TMEM184C: variants seen among roughly 807,000 people sequenced by gnomAD.
The protein encoded by TMEM184C is transmembrane protein 184C.
TMEM184C carries 25 observed loss-of-function variants against 54.5 expected under a neutral mutation model. The ratio of observed to expected loss-of-function variants is 0.46; its 90% CI spans 0.33 to 0.64. The LOEUF (loss-of-function observed/expected upper bound fraction) is 0.64, where lower values mean the gene tolerates loss of function less well. Among genes scored for constraint, TMEM184C ranks in the 30% least tolerant of loss-of-function variants. TMEM184C has a pLI of 0.02. For missense variants in TMEM184C, 335 were observed against 520.3 expected (o/e 0.64, Z 3.46); for synonymous variants, 148 against 181.5 (o/e 0.82, Z 1.49).
chr4:147,628,852 A>G (rs530301068), intron 5 of TMEM184C, among the ~76,000 whole-genome samples: 1 of 152,314 alleles, frequency 6.6e-6, no homozygotes, highest in Admixed American at 6.5e-5. Flanking sequence ...AATATATTCT[A>G]TCAAGGCTTA....
chr4:147,624,775 C>T, intron 3 of TMEM184C, 29 bp from the exon 4 acceptor site: 1 of 1,603,380 alleles, frequency 6.2e-7, no homozygotes, highest in African/African-American at 1.3e-5. Flanking sequence ...TTAGCTGCAA[C>T]TATCTTTAAC....
At chr4:147,628,870 G>A (rs1345834761) in intron 5 of TMEM184C, among the ~76,000 whole-genome samples, 2 of 152,036 alleles carry the variant, frequency 1.3e-5, no homozygotes, top group Admixed American at 6.6e-5. Flanking sequence ...TTAGAATTGA[G>A]GTAAAATGGG....
In TMEM184C at chr4:147,629,666, G is replaced by C. The variant is rs757747384; in HGVS notation, c.640G>C (p.Val214Leu). Residue 214 changes from valine (V) to leucine (L), a missense_variant, in exon 6 of 10, where the codon GTT (valine) becomes CTT (leucine). By Grantham distance (32) the Val-to-Leu change is conservative (BLOSUM62 1). Transcript: ENST00000296582. ...CTTTTCAAATGCTTGGACTTATTTG[G>C]TTATAATAAACAACATGTCACAGTT... is the stretch of plus-strand genomic sequence containing the variant. ...FSFSNAWTYL[V>L]IINNMSQLFA... 6.3e-6 allele frequency: 10 copies of C among 1,590,280 alleles called. No individual in the cohort carries two copies. The highest frequency in any genetic ancestry group is 8.5e-7 in the Non-Finnish European group (1 of 1,170,336).
chr4:147,624,747 G>C, intron 3 of TMEM184C, 57 bp from the exon 4 acceptor site: 1 of 1,526,224 alleles, frequency 6.6e-7, no homozygotes, highest in South Asian at 1.2e-5. Flanking sequence ...CATGAATGGA[G>C]TGGTGATTCA....
At chr4:147,624,679 TC>T in intron 3 of TMEM184C, 124 bp from the exon 4 acceptor site, 1 of 791,374 alleles carries the variant, frequency 1.3e-6, no homozygotes, top group Non-Finnish European at 2.0e-6. Flanking sequence ...TTTTAGAGAG[TC>T]CCATGTAAGT....
intron 1 of TMEM184C, among the ~76,000 whole-genome samples, chr4:147,620,741 A>T (rs1239435234): frequency 2.0e-5 from 3 of 152,262 alleles, no homozygotes; most frequent in Non-Finnish European, 4.4e-5. Context: ...TTGTTTGAAC[A>T]ACTGTGTAAA....
intron 1 of TMEM184C, among the ~76,000 whole-genome samples, chr4:147,618,832 C>G (rs1270576059): frequency 6.6e-6 from 1 of 152,154 alleles, no homozygotes; most frequent in Non-Finnish European, 1.5e-5. Flanking sequence ...AAATTATTTT[C>G]TGATGACTTT....
intron 5 of TMEM184C, among the ~76,000 whole-genome samples, 174 bp from the exon 6 acceptor site, chr4:147,629,425 T>A (rs1732870908): frequency 6.6e-6 from 1 of 152,032 alleles, no homozygotes; most frequent in Admixed American, 6.5e-5. Flanking sequence ...CAAAGTCAAG[T>A]GATTGTCAAT....
intron 4 of TMEM184C, among the ~76,000 whole-genome samples, chr4:147,625,411 G>T (rs961565295): frequency 2.0e-5 from 3 of 152,136 alleles, no homozygotes; most frequent in Non-Finnish European, 2.9e-5. Context: ...ACAGTGTTTG[G>T]TAACATAATA....
chr4:147,630,838 C>T (rs577347136), intron 6 of TMEM184C, among the ~76,000 whole-genome samples: 2 of 152,158 alleles, frequency 1.3e-5, no homozygotes, highest in South Asian at 2.1e-4. Flanking sequence ...TGTTATTCAG[C>T]ACTACACTAG....
At position 147,617,534 on chromosome 4, in the gene TMEM184C, G is replaced by A. The variant is rs1295504950; in HGVS notation, c.-423G>A. The A allele has an allele frequency of 7.6e-5, 13 of 170,806 alleles. 1 individual carries two copies. The highest frequency in any genetic ancestry group is 7.1e-4 in the Admixed American group (13 of 18,236). 10.6% of individuals were successfully genotyped at this position (170,806 alleles called of 1,614,324 possible). ...TAGGAAGCTCGATCCCCAAAGAAAAGAGCGAGTGGGCAGGCAGCTGCGAGA... is the reference window on the plus strand; with the variant it reads ...TAGGAAGCTCGATCCCCAAAGAAAAAAGCGAGTGGGCAGGCAGCTGCGAGA... On this transcript the variant is annotated 5_prime_UTR_variant, in exon 1 of 10. Transcript: ENST00000296582.
rs772524823 is a variant in TMEM184C at position 147,623,982 on chromosome 4, T to G, written c.254+18T>G. 1 of 1,613,530 alleles carries G rather than the reference T, an allele frequency of 6.2e-7. No homozygotes were observed. Among genetic ancestry groups the G allele is most frequent in the Non-Finnish European group, 8.5e-7 (1 of 1,179,680 alleles). Reference sequence around the variant, plus strand: ...ATAATAAGGTATGTCTTAATAATTTTGATTCCACTACTGTTGTGTTGGCTT... The same window carrying G: ...ATAATAAGGTATGTCTTAATAATTTGGATTCCACTACTGTTGTGTTGGCTT... On this transcript the variant is annotated intron_variant, in intron 2 of 9. Transcript: ENST00000296582.
chr4:147,632,439 ATAT>A (rs1732934582), intron 7 of TMEM184C: 2 of 153,680 alleles, frequency 1.3e-5, no homozygotes, highest in South Asian at 4.0e-4. Flanking sequence ...GTAAACAGAA[ATAT>A]TATTTTGTTT....
intron 5 of TMEM184C, 40 bp downstream of exon 5, chr4:147,628,475 T>G: frequency 6.5e-7 from 1 of 1,534,128 alleles, no homozygotes; most frequent in Non-Finnish European, 9.0e-7. Context: ...TTTTTCATCC[T>G]TGTGATCTTA....
intron 1 of TMEM184C, among the ~76,000 whole-genome samples, chr4:147,621,377 A>T (rs943245273): frequency 1.3e-5 from 2 of 152,106 alleles, no homozygotes; most frequent in African/African-American, 4.8e-5. Context: ...AAAGTTACCC[A>T]TGAAAAAAAA....
intron 9 of TMEM184C, 81 bp from the exon 10 acceptor site, chr4:147,634,088 G>A (rs565075887): frequency 1.3e-6 from 2 of 1,537,552 alleles, no homozygotes; most frequent in Non-Finnish European, 1.8e-6. Flanking sequence ...GGGAGAGGGG[G>A]AAGTGGGGAG....
chr4:147,617,980 G>C lies in TMEM184C; in HGVS notation c.24G>C (p.Arg8Ser). The C allele has an allele frequency of 1.9e-6, 3 of 1,614,154 alleles. No homozygotes were observed. Among genetic ancestry groups the C allele is most frequent in the Non-Finnish European group, 2.5e-6 (3 of 1,180,014 alleles). Residue 8 changes from arginine to serine, a missense_variant, in exon 1 of 10, where the codon AGG (arginine) becomes AGC (serine). Coordinates refer to ENST00000296582, the MANE Select transcript of TMEM184C (RefSeq NM_018241.3). ...ACATGCCTTGCACTTGTACCTGGAG[G>C]AACTGGAGACAGTGGATTCGACCTT... MPCTCTW[R>S]NWRQWIRPLV...
intron 7 of TMEM184C, 190 bp from the exon 8 acceptor site, chr4:147,632,713 C>T: frequency 2.0e-6 from 1 of 512,318 alleles, no homozygotes; most frequent in Non-Finnish European, 3.4e-6. Flanking sequence ...TGAGACAAAA[C>T]TACTAGAAAA....
intron 6 of TMEM184C, among the ~76,000 whole-genome samples, chr4:147,630,729 ATTCT>A (rs374312686): frequency 4.9e-4 from 75 of 152,150 alleles, no homozygotes; most frequent in African/African-American, 1.6e-3. Context: ...GAATCACTTT[ATTCT>A]TTCTTTCTTT....
Sources: allele counts gnomAD v4.1 joint callset (sites outside exome capture counted in the v4.1 genomes callset), GRCh38; gene constraint gnomAD v4.1.1; transcripts MANE v1.5; gene names NCBI Gene and HGNC (gene_info 2026-07-23, HGNC 2026-07-21).